The following SH3KBP1 variants were observed in gnomAD, a reference collection of about 807,000 sequenced individuals.
The protein encoded by SH3KBP1 is SH3 domain-containing kinase-binding protein 1.
SH3KBP1 carries 8 observed loss-of-function variants against 50.1 expected under a neutral mutation model. That is an observed-to-expected ratio of 0.16 (90% confidence interval 0.09 to 0.29). The LOEUF (loss-of-function observed/expected upper bound fraction) is 0.29. SH3KBP1 is among the 10% of genes least tolerant of loss of function. The pLI, the probability that SH3KBP1 is intolerant of heterozygous loss-of-function variation, is 1.00. For missense variants in SH3KBP1, 377 were observed against 535.2 expected (o/e 0.70, Z 2.92); for synonymous variants, 227 against 218.6 (o/e 1.04, Z -0.34).
intron 16 of SH3KBP1, among the ~76,000 whole-genome samples, chrX:19,540,227 C>T (rs2064843255): frequency 9.0e-6 from 1 of 110,806 alleles, no homozygotes; most frequent in African/African-American, 3.3e-5. Context: ...TGGCTGGCCC[C>T]AGGATTCCTT....
chrX:19,815,621 C>T (rs2067330774), intron 2 of SH3KBP1, among the ~76,000 whole-genome samples: 1 of 111,389 alleles, frequency 9.0e-6, no homozygotes, highest in South Asian at 3.8e-4. Context: ...TCAAAAGGAA[C>T]TCCCTCATGC....
chrX:19,837,255 C>T (rs1438058624), intron 1 of SH3KBP1, among the ~76,000 whole-genome samples: 1 of 111,512 alleles, frequency 9.0e-6, no homozygotes, highest in Non-Finnish European at 1.9e-5. Context: ...CGCATCAATT[C>T]CATGTTACAT....
intron 1 of SH3KBP1, among the ~76,000 whole-genome samples, chrX:19,880,276 T>G (rs1364574921): frequency 1.8e-5 from 2 of 112,786 alleles, no homozygotes; most frequent in African/African-American, 6.4e-5. Context: ...TTTACAGAAT[T>G]GCACACTCAC....
At chrX:19,825,077 T>C (rs1382989377) in intron 2 of SH3KBP1, among the ~76,000 whole-genome samples, 1 of 112,183 alleles carries the variant, frequency 8.9e-6, no homozygotes, top group East Asian at 2.8e-4. Context: ...GTCACACATC[T>C]TGATTATTTA....
intron 5 of SH3KBP1, chrX:19,687,662 A>G (rs767348232): frequency 8.3e-7 from 1 of 1,206,814 alleles, no homozygotes; most frequent in East Asian, 3.0e-5. Flanking sequence ...GCAGCTCGGT[A>G]CAGAATTGTC....
chrX:19,765,261 C>T (rs1324422943), intron 2 of SH3KBP1, among the ~76,000 whole-genome samples: 1 of 110,866 alleles, frequency 9.0e-6, no homozygotes, highest in East Asian at 2.8e-4. Flanking sequence ...AAAAACTTGG[C>T]GACTTAACCC....
rs188996065 is a variant in SH3KBP1 at position 19,723,535 on chromosome X, A to G, written c.287-16551T>C. ...TGTGTTTGAAATTGACATCTTTATG[A>G]TCAAATGACTATCTGCATCTGCTTA... On this transcript the variant is annotated intron_variant, in intron 3 of 17. Coordinates refer to ENST00000397821, the MANE Select transcript of SH3KBP1 (RefSeq NM_031892.3). 2.0e-4 allele frequency among the ~76,000 whole-genome samples: 22 copies of G among 112,292 alleles called. 1 individual carries two copies. The highest frequency in any genetic ancestry group is 1.8e-3 in the Admixed American group (19 of 10,641).
At chrX:19,719,597 C>A (rs1026937687) in intron 3 of SH3KBP1, among the ~76,000 whole-genome samples, 2 of 111,144 alleles carry the variant, frequency 1.8e-5, no homozygotes, top group African/African-American at 6.5e-5. Flanking sequence ...ACTCAACATC[C>A]TCCACCTCAA....
intron 12 of SH3KBP1, among the ~76,000 whole-genome samples, chrX:19,572,422 A>C (rs1459707619): frequency 2.6e-4 from 28 of 106,928 alleles, no homozygotes; most frequent in Non-Finnish European, 7.6e-5. Flanking sequence ...TACATGTTAT[A>C]TAGTACATAT....
At chrX:19,866,681 C>A (rs1244517697) in intron 1 of SH3KBP1, among the ~76,000 whole-genome samples, 1 of 97,514 alleles carries the variant, frequency 1.0e-5, no homozygotes, top group African/African-American at 4.5e-5. Context: ...CAGAGCGAGA[C>A]CCTGTCTCTT....
intron 6 of SH3KBP1, chrX:19,670,849 A>AAAAAAAAAAAAAAAAAAAAAAAAAC: frequency 8.8e-7 from 1 of 1,142,544 alleles, no homozygotes; most frequent in Non-Finnish European, 1.2e-6. Context: ...CAAAAAAAAA[A>AAAAAAAAAAAAAAAAAAAAAAAAAC]AAAAAGAAAT....
At chrX:19,635,531 G>GT (rs766703802) in intron 7 of SH3KBP1, among the ~76,000 whole-genome samples, 2,725 of 98,592 alleles carry the variant, frequency 0.028, 87 homozygotes, top group African/African-American at 0.089. Flanking sequence ...CGTGTATCCC[G>GT]TTTTTTTTTT....
intron 5 of SH3KBP1, 133 bp downstream of exon 5, chrX:19,695,479 G>T: frequency 1.3e-6 from 1 of 777,846 alleles, no homozygotes; most frequent in Non-Finnish European, 1.9e-6. Context: ...GTGGGTTAAG[G>T]CAGTATAACC....
chrX:19,596,759 C>T, intron 9 of SH3KBP1, among the ~76,000 whole-genome samples: 1 of 112,266 alleles, frequency 8.9e-6, no homozygotes, highest in East Asian at 2.8e-4. Flanking sequence ...CAAGAAATCA[C>T]TGTCTTCGCT....
At chrX:19,585,259 C>G (rs920859494) in intron 12 of SH3KBP1, among the ~76,000 whole-genome samples, 2 of 111,329 alleles carry the variant, frequency 1.8e-5, no homozygotes, top group African/African-American at 6.6e-5. Context: ...CTGGGAAGGA[C>G]GACAGGAGAG....
chrX:19,854,111 A>G lies in SH3KBP1; in HGVS notation c.5-17829T>C, dbSNP rs1368431271. Among the ~76,000 whole-genome samples, 3 of 109,853 alleles carry G rather than the reference A, an allele frequency of 2.7e-5. No homozygotes were observed. The East Asian group carries it at 8.6e-4, about 31-fold the overall frequency. On this transcript the variant is annotated intron_variant, in intron 1 of 17. Coordinates refer to ENST00000397821, the MANE Select transcript of SH3KBP1 (RefSeq NM_031892.3). ...AGGTTAAACCTCTCTTCTAAATGAC[A>G]ATTTTTCTTTCTTTCTTTTTTTGAG...
chrX:19,617,298 A>C (rs1569345440), intron 8 of SH3KBP1, among the ~76,000 whole-genome samples: 1 of 112,557 alleles, frequency 8.9e-6, no homozygotes. Context: ...GGCCAATGTT[A>C]GAGTTGTCTA....
intron 6 of SH3KBP1, among the ~76,000 whole-genome samples, chrX:19,661,969 C>T (rs939083771): frequency 3.6e-5 from 4 of 111,423 alleles, no homozygotes; most frequent in African/African-American, 1.3e-4. Flanking sequence ...ACTGAGGTAG[C>T]GAAAAATGAT....
rs556394070 is a variant in SH3KBP1 at position 19,783,058 on chromosome X, C to T, written c.163-36617G>A. On this transcript the variant is annotated intron_variant, in intron 2 of 17. Transcript: ENST00000397821. ...ACTTGAGCCCAAGAGGTCGAGGTTG[C>T]AGTGACCTGTGATCATGCCACTGCA... Among the ~76,000 whole-genome samples the T allele has an allele frequency of 2.8e-4, 31 of 112,172 alleles. No homozygotes were observed. The South Asian group carries it at 0.011, about 39-fold the overall frequency.
Sources: allele counts gnomAD v4.1 joint callset (sites outside exome capture counted in the v4.1 genomes callset), GRCh38; gene constraint gnomAD v4.1.1; transcripts MANE v1.5; gene names NCBI Gene and HGNC (gene_info 2026-07-23, HGNC 2026-07-21).